The following SFXN4 variants were observed in gnomAD, a reference collection of about 807,000 sequenced individuals.
SFXN4 encodes the protein sideroflexin 4, also known as sideroflexin-4.
In SFXN4, 48 loss-of-function variants were observed where a neutral mutation model predicts 54.6. That is an observed-to-expected ratio of 0.88 (90% confidence interval 0.70 to 1.12). SFXN4 has a LOEUF of 1.12. Among genes scored for constraint, SFXN4 ranks in the 50% most tolerant of loss-of-function variants. The pLI is 0.00. For synonymous variants in SFXN4, 130 were observed against 145.5 expected (o/e 0.89, Z 0.77); for missense variants, 383 against 409.2 (o/e 0.94, Z 0.55).
chr10:119,157,591 A>G, intron 9 of SFXN4, 77 bp downstream of exon 9: 1 of 1,193,024 alleles, frequency 8.4e-7, no homozygotes, highest in Non-Finnish European at 1.2e-6. Context: ...TTGGAACATA[A>G]ATTTGTAATT....
intron 3 of SFXN4, among the ~76,000 whole-genome samples, chr10:119,161,739 G>A (rs1209704308): frequency 6.6e-6 from 1 of 152,172 alleles, no homozygotes; most frequent in Non-Finnish European, 1.5e-5. Context: ...GCTTGCCTCT[G>A]GCTCAGAGCA....
chr10:119,159,704 A>G (rs1239289814), intron 6 of SFXN4, 24 bp downstream of exon 6: 3 of 1,613,496 alleles, frequency 1.9e-6, no homozygotes, highest in African/African-American at 2.7e-5. Flanking sequence ...CTAGTCTCCT[A>G]ACGGCAAATG....
chr10:119,161,414 ACAACAACAACAAC>A, intron 3 of SFXN4, among the ~76,000 whole-genome samples: 1 of 137,308 alleles, frequency 7.3e-6, no homozygotes. Context: ...CCTTAAAAAA[ACAACAACAACAAC>A]AAAAAAAAAC....
intron 10 of SFXN4, among the ~76,000 whole-genome samples, 156 bp from the exon 11 acceptor site, chr10:119,155,333 C>G (rs1288759015): frequency 1.3e-5 from 2 of 152,182 alleles, no homozygotes; most frequent in Non-Finnish European, 2.9e-5. Context: ...GCTGGGCCAA[C>G]CAAGTGCTCT....
chr10:119,144,317 T>C (rs1293180885), intron 13 of SFXN4, among the ~76,000 whole-genome samples: 3 of 151,640 alleles, frequency 2.0e-5, no homozygotes, highest in Non-Finnish European at 4.4e-5. Flanking sequence ...ATTAGCTGGG[T>C]GTGGTGGCGG....
At chr10:119,150,909 C>T (rs1179353290) in intron 11 of SFXN4, among the ~76,000 whole-genome samples, 1 of 152,084 alleles carries the variant, frequency 6.6e-6, no homozygotes, top group Non-Finnish European at 1.5e-5. Context: ...AAGCAAAATG[C>T]GGCACATCCA....
At chr10:119,150,972 C>G (rs548722500) in intron 11 of SFXN4, among the ~76,000 whole-genome samples, 7 of 152,258 alleles carry the variant, frequency 4.6e-5, no homozygotes, top group Non-Finnish European at 8.8e-5. Flanking sequence ...ACATGTGGTA[C>G]AAGACGGATG....
chr10:119,153,265 G>A (rs945765104), intron 11 of SFXN4, among the ~76,000 whole-genome samples: 5 of 151,992 alleles, frequency 3.3e-5, no homozygotes, highest in African/African-American at 4.8e-5. Flanking sequence ...ACAAGCATGA[G>A]CCAGGCATGG....
intron 11 of SFXN4, among the ~76,000 whole-genome samples, chr10:119,148,371 G>A (rs774763684): frequency 1.2e-4 from 19 of 152,104 alleles, no homozygotes; most frequent in Non-Finnish European, 2.2e-4. Context: ...AGCTGGCACC[G>A]TCTGCCAAAC....
At chr10:119,155,694 T>C (rs61874347) in intron 10 of SFXN4, among the ~76,000 whole-genome samples, 44,036 of 152,004 alleles carry the variant, frequency 0.29, 7,114 homozygotes, top group South Asian at 0.39. Context: ...GGTTTCATCA[T>C]GTTGGTCAGG....
intron 12 of SFXN4, among the ~76,000 whole-genome samples, chr10:119,147,537 G>A (rs1405529995): frequency 6.6e-6 from 1 of 152,148 alleles, no homozygotes; most frequent in African/African-American, 2.4e-5. Flanking sequence ...CCTTCGACAC[G>A]CCAAGGACAC....
rs1386867295 is a variant in SFXN4, at chr10:119,156,716, C to G, written c.578G>C (p.Gly193Ala). 1 of 1,611,418 alleles carries G rather than the reference C, an allele frequency of 6.2e-7. No homozygotes were observed. Among genetic ancestry groups the G allele is most frequent in the East Asian group, 2.2e-5 (1 of 44,868 alleles). The change falls in exon 10 of 14, where the codon GGC (glycine) becomes GCC (alanine). Residue 193 changes from glycine to alanine, a missense_variant. Physicochemically the swap from Gly to Ala is moderately conservative, Grantham distance 60. Transcript: ENST00000355697. ...AGGTAAGAGTCTTTTAATCCAAGGG[C>G]CAGTCAGGCCATACTTCATCTGGAC... Reference protein sequence around the residue: ...QFVQMKYGLTGPWIKRLLPVI... With the variant: ...QFVQMKYGLTAPWIKRLLPVI...
chr10:119,141,448 G>A, intron 13 of SFXN4, 129 bp from the exon 14 acceptor site: 1 of 411,926 alleles, frequency 2.4e-6, no homozygotes, highest in Non-Finnish European at 4.2e-6. Context: ...CTAATCTATA[G>A]CAGAAAATGT....
chr10:119,141,929 A>G (rs1846542931), intron 13 of SFXN4, among the ~76,000 whole-genome samples: 1 of 152,114 alleles, frequency 6.6e-6, no homozygotes. Flanking sequence ...GAGGCACGAG[A>G]ATCACTTGAA....
At chr10:119,158,727 A>C (rs1358059272) in intron 6 of SFXN4, among the ~76,000 whole-genome samples, 1 of 151,970 alleles carries the variant, frequency 6.6e-6, no homozygotes, top group East Asian at 1.9e-4. Context: ...TCACGCCTAT[A>C]ATCCCAGCAC....
intron 2 of SFXN4, among the ~76,000 whole-genome samples, chr10:119,163,111 T>C (rs964531699): frequency 1.3e-5 from 2 of 152,132 alleles, no homozygotes; most frequent in Non-Finnish European, 2.9e-5. Flanking sequence ...ATTTCTTAAT[T>C]TGAGAAAAAA....
intron 13 of SFXN4, among the ~76,000 whole-genome samples, chr10:119,143,189 C>T (rs1331403282): frequency 6.6e-6 from 1 of 152,104 alleles, no homozygotes; most frequent in East Asian, 1.9e-4. Flanking sequence ...CCTGGCTGTG[C>T]AGGCCCTGCC....
At chr10:119,145,311 ATTT>A (rs1223685344) in intron 13 of SFXN4, among the ~76,000 whole-genome samples, 811 of 68,068 alleles carry the variant, frequency 0.012, 3 homozygotes, top group African/African-American at 0.032. Flanking sequence ...TTTTCTTATG[ATTT>A]TTTTTTTTTT....
At chr10:119,155,242 T>A in intron 10 of SFXN4, 65 bp from the exon 11 acceptor site, 1 of 1,117,200 alleles carries the variant, frequency 9.0e-7, no homozygotes, top group Non-Finnish European at 1.4e-6. Context: ...CAAAGGAACA[T>A]CTCTTTGGGT....
Sources: allele counts gnomAD v4.1 joint callset (sites outside exome capture counted in the v4.1 genomes callset), GRCh38; gene constraint gnomAD v4.1.1; transcripts MANE v1.5; gene names NCBI Gene and HGNC (gene_info 2026-07-23, HGNC 2026-07-21).